The following HMCN2 variants were observed in gnomAD, a reference collection of about 807,000 sequenced individuals.
HMCN2 encodes the protein hemicentin-2.
HMCN2 carries 325 observed loss-of-function variants against 377.5 expected under a neutral mutation model. That is an observed-to-expected ratio of 0.86 (90% CI 0.79 to 0.94). The LOEUF (loss-of-function observed/expected upper bound fraction) is 0.94, where lower values mean the gene tolerates loss of function less well. Among genes scored for constraint, HMCN2 ranks in the 40% least tolerant of loss-of-function variants. The pLI, the probability that HMCN2 is intolerant of heterozygous loss-of-function variation, is 0.00. For synonymous variants in HMCN2, 2,007 were observed against 2,046.8 expected, an observed-to-expected ratio of 0.98 and a Z score of 0.53; for missense variants, 4,543 against 4,725.3, an observed-to-expected ratio of 0.96 and a Z score of 1.13.
rs138362220 is a variant in HMCN2 at position 130,295,260 on chromosome 9, C to T, written c.784+234C>T. On this transcript the variant is annotated intron_variant, in intron 5 of 97. Transcript: ENST00000683500. Reference sequence around the variant, plus strand: ...ATTAAAGTAATGGCGGTCCCTGCATCGTGAGACTCTCCCCAAGTCTTTTCC... The same window carrying T: ...ATTAAAGTAATGGCGGTCCCTGCATTGTGAGACTCTCCCCAAGTCTTTTCC... 5.3e-5 allele frequency among the ~76,000 whole-genome samples: 8 copies of T among 152,202 alleles called. No homozygotes were observed. The East Asian group carries it at 5.8e-4, about 11-fold the overall frequency.
In HMCN2 at chr9:130,304,910, G is replaced by A. The variant is rs554635971; in HGVS notation, c.1724G>A (p.Ser575Asn). 2 of 471,182 alleles carry A rather than the reference G, an allele frequency of 4.2e-6. No homozygotes were observed. Among genetic ancestry groups the A allele is most frequent in the Non-Finnish European group, 8.8e-6 (2 of 227,070 alleles). 29.2% of individuals were successfully genotyped at this position (471,182 alleles called of 1,614,324 possible). The change falls in exon 11 of 98, where the codon AGT becomes AAT. Residue 575 changes from serine to asparagine, a missense_variant. By Grantham distance (46) the Ser-to-Asn change is conservative. This residue lies in a region of HMCN2 where 547 missense variants were observed against 189.9 expected (regional missense o/e 2.88). Coordinates refer to ENST00000683500, the MANE Select transcript of HMCN2 (RefSeq NM_001291815.2). The surrounding 1 kb of genome is among the most constrained non-coding windows in gnomAD (Gnocchi z 4.3). The part of the protein sequence containing the change: ...AQLADLSLEI[S>N]GIIPTDGGRY... ...CTGGCTGACCTGTCCCTGGAGATCAGTGGCATCATCCCCACAGACGGCGGG... is the reference window on the plus strand; with the variant it reads ...CTGGCTGACCTGTCCCTGGAGATCAATGGCATCATCCCCACAGACGGCGGG...
rs1840287130 is a variant in HMCN2, at chr9:130,360,081, T to C, written c.5774-347T>C. 2.0e-5 allele frequency among the ~76,000 whole-genome samples: 3 copies of C among 152,130 alleles called. No homozygotes were observed. The highest frequency in any genetic ancestry group is 2.0e-4 in the Admixed American group (3 of 15,270). On this transcript the variant is annotated intron_variant, in intron 37 of 97. Coordinates refer to ENST00000683500, the MANE Select transcript of HMCN2 (RefSeq NM_001291815.2). This position sits in a 1 kb window ranked among gnomAD's most constrained non-coding sequence, Gnocchi z 4.7. ...GGGCAGGGCTGAGTTTGACTCTCTC[T>C]GCTCCTGGCTGCCTCAGCCTCTGCC...
chr9:130,300,778 G>A (rs1332413170), intron 8 of HMCN2, among the ~76,000 whole-genome samples: 3 of 152,204 alleles, frequency 2.0e-5, no homozygotes, highest in Admixed American at 1.3e-4. Flanking sequence ...CTGGTTTCCT[G>A]TGTGTCCCTG....
chr9:130,286,293 A>G lies in HMCN2; in HGVS notation c.595A>G (p.Lys199Glu). Residue 199 changes from lysine (K) to glutamate (E), a missense_variant, in exon 4 of 98, where the codon AAG (lysine) becomes GAG (glutamate). Physicochemically the swap from Lys to Glu is moderately conservative, Grantham distance 56. Coordinates refer to ENST00000683500, the MANE Select transcript of HMCN2 (RefSeq NM_001291815.2). ...CTCTGGGCAGGTGTTCCACCTGGAC[A>G]AGCAGCAAGTGACAGAGGTGAGCAC... ...TSSGQVFHLD[K>E]QQVTEVLKWV... 1 of 471,078 alleles carries G rather than the reference A, an allele frequency of 2.1e-6. No individual in the cohort carries two copies. Among genetic ancestry groups the G allele is most frequent in the Non-Finnish European group, 4.4e-6 (1 of 227,054 alleles). The allele number at this position is 471,078 out of a possible 1,614,324, so 29.2% of individuals were successfully genotyped here. A position where few individuals can be genotyped will look rare whatever the true frequency, so the allele number is the denominator to read the frequency against.
At chr9:130,412,575 T>TTG (rs975253866) in intron 85 of HMCN2, among the ~76,000 whole-genome samples, 3 of 150,262 alleles carry the variant, frequency 2.0e-5, no homozygotes, top group African/African-American at 4.9e-5. Context: ...CTCTTTTTTT[T>TTG]TTTTTGTTTT....
At chr9:130,271,875 C>T (rs186610637) in intron 1 of HMCN2, among the ~76,000 whole-genome samples, 2 of 149,228 alleles carry the variant, frequency 1.3e-5, no homozygotes, top group East Asian at 1.9e-4. Flanking sequence ...TGTAATCATC[C>T]GTGTCTATAT....
intron 74 of HMCN2, 51 bp downstream of exon 74, chr9:130,397,706 T>C: frequency 7.8e-7 from 1 of 1,275,724 alleles, no homozygotes. Flanking sequence ...CGGGGTCCAG[T>C]CCTTCTTAGT....
intron 15 of HMCN2, among the ~76,000 whole-genome samples, chr9:130,316,540 A>T (rs1299532968): frequency 7.9e-5 from 12 of 152,086 alleles, no homozygotes; most frequent in African/African-American, 2.9e-4. Flanking sequence ...CGGGTGTTCT[A>T]GGCTCCCCCA....
chr9:130,289,936 C>A (rs1835656542), intron 4 of HMCN2, among the ~76,000 whole-genome samples: 1 of 152,218 alleles, frequency 6.6e-6, no homozygotes, highest in Non-Finnish European at 1.5e-5. Context: ...TCCTTCCCTG[C>A]TTCCTCAGCC....
At chr9:130,295,895 T>A in intron 6 of HMCN2, 123 bp downstream of exon 6, 1 of 392,592 alleles carries the variant, frequency 2.5e-6, no homozygotes, top group Non-Finnish European at 5.2e-6. Context: ...TGGGTGGTGA[T>A]GTGGTCGTAT....
chr9:130,373,741 A>G (rs1308854948), intron 48 of HMCN2, among the ~76,000 whole-genome samples: 11 of 149,522 alleles, frequency 7.4e-5, no homozygotes, highest in African/African-American at 2.8e-4. Context: ...AGGTAGGTGG[A>G]TGGATAGATG....
chr9:130,429,404 G>T (rs975194693), intron 93 of HMCN2, 153 bp from the exon 94 acceptor site: 2 of 853,304 alleles, frequency 2.3e-6, no homozygotes, highest in Non-Finnish European at 3.6e-6. Context: ...ATAACTGGGG[G>T]AGGTGCTGTG....
chr9:130,298,850 C>T (rs1836314095), intron 7 of HMCN2, among the ~76,000 whole-genome samples, 175 bp from the exon 8 acceptor site: 1 of 152,188 alleles, frequency 6.6e-6, no homozygotes, highest in African/African-American at 2.4e-5. Flanking sequence ...AGGTCCCTAT[C>T]TACCTATCCC....
chr9:130,430,331 C>T lies in HMCN2; in HGVS notation c.14374C>T (p.His4792Tyr), dbSNP rs1342249029. The T allele has an allele frequency of 5.8e-6, 9 of 1,546,902 alleles. No homozygotes were observed. The highest frequency in any genetic ancestry group is 7.0e-6 in the Non-Finnish European group (8 of 1,146,894). Reference sequence around the variant, plus strand: ...GCCCAAGGCCTGCGCCTACCAGTGCCACAACCTCCAGGGCAGCTACCGCTG... The same window carrying T: ...GCCCAAGGCCTGCGCCTACCAGTGCTACAACCTCCAGGGCAGCTACCGCTG... ...QLPKACAYQC[H>Y]NLQGSYRCLC... Residue 4792 changes from histidine to tyrosine, a missense_variant, in exon 95 of 98, where the codon CAC (histidine) becomes TAC (tyrosine). Physicochemically the swap from His to Tyr is moderately conservative, Grantham distance 83 (BLOSUM62 2). Around this residue, in one of 5 missense-constraint regions of HMCN2, gnomAD observed 1,155 missense variants for 1,157.7 expected, o/e 1.00. Transcript: ENST00000683500.
rs187454751 is a variant in HMCN2 at position 130,307,496 on chromosome 9, C to T, written c.2130C>T (p.Ala710=). ...CTGTAAATGCCGTGGTGCTGGTGGC[C>T]GTTGGGGAGGAGGCTGTGTTGGTGT... ...VSAVNAVVLV[A]VGEEAVLVCE... is the part of the protein sequence containing the mutation. Residue 710 remains alanine, a synonymous_variant, in exon 14 of 98, where the codon GCC becomes GCT. Transcript: ENST00000683500. The T allele has an allele frequency of 8.1e-3, 3,836 of 471,138 alleles. 30 individuals are homozygous for T. The highest frequency in any genetic ancestry group is 0.011 in the Non-Finnish European group (2,471 of 227,042). The allele number at this position is 471,138 out of a possible 1,614,324, so 29.2% of individuals were successfully genotyped here.
intron 48 of HMCN2, among the ~76,000 whole-genome samples, chr9:130,374,172 T>C (rs1465427843): frequency 6.7e-6 from 1 of 148,198 alleles, no homozygotes; most frequent in Non-Finnish European, 1.5e-5. Flanking sequence ...GAAGGATAGG[T>C]GAGTAGGTAG....
chr9:130,393,713 G>T lies in HMCN2; in HGVS notation c.10235-29G>T. 3 of 1,209,788 alleles carry T rather than the reference G, an allele frequency of 2.5e-6. No homozygotes were observed. The highest frequency in any genetic ancestry group is 1.5e-5 in the South Asian group (1 of 67,404). The allele number at this position is 1,209,788 out of a possible 1,614,324, so 74.9% of individuals were successfully genotyped here. A position where few individuals can be genotyped will look rare whatever the true frequency, so the allele number is the denominator to read the frequency against. ...GAGATGAGAGTCCTGGAATAAAATG[G>T]TTCCTGCCCACCTTTCTGCCCTCCA... On this transcript the variant is annotated intron_variant, in intron 67 of 97. Coordinates refer to ENST00000683500, the MANE Select transcript of HMCN2 (RefSeq NM_001291815.2). The surrounding 1 kb of genome is among the most constrained non-coding windows in gnomAD (Gnocchi z 5.2).
In HMCN2 at chr9:130,384,687, A is replaced by G; in HGVS notation, c.8995A>G (p.Thr2999Ala). ...LGEEVFLLPGTHTLQLGRARL... is the reference protein window; with the variant it reads ...LGEEVFLLPGAHTLQLGRARL... The stretch of plus-strand genomic sequence containing the variant: ...GAGGGGCTGGCTTCCCCCGGCAGGC[A>G]CCCACACGCTGCAGCTGGGGAGAGC... Residue 2999 changes from threonine (T) to alanine (A), a missense_variant and splice_region_variant, in exon 59 of 98, where the codon ACC (threonine) becomes GCC (alanine). By Grantham distance (58) the Thr-to-Ala change is moderately conservative. Transcript: ENST00000683500. 1 of 1,302,386 alleles carries G rather than the reference A, an allele frequency of 7.7e-7. No individual in the cohort carries two copies. Among genetic ancestry groups the G allele is most frequent in the Non-Finnish European group, 1.0e-6 (1 of 988,818 alleles). The allele number at this position is 1,302,386 out of a possible 1,614,324, so 80.7% of individuals were successfully genotyped here.
Position 130,391,508 on chromosome 9 carries a change from G to A in HMCN2, c.9886G>A (p.Ala3296Thr). The change falls in exon 65 of 98, where the codon GCC becomes ACC. Residue 3296 changes from alanine to threonine, a missense_variant. Transcript: ENST00000683500. Reference sequence around the variant, plus strand: ...AGGCCTGAGGGCCTCGGACGCGGGTGCCTACACCTGCGTGGCCCACAACCC... The same window carrying A: ...AGGCCTGAGGGCCTCGGACGCGGGTACCTACACCTGCGTGGCCCACAACCC... ...LKGLRASDAG[A>T]YTCVAHNPAG... is the part of the protein sequence containing the mutation. 1.0e-6 allele frequency: 1 copy of A among 987,794 alleles called. No individual in the cohort carries two copies. Among genetic ancestry groups the A allele is most frequent in the Non-Finnish European group, 1.2e-6 (1 of 830,132 alleles). 61.2% of individuals were successfully genotyped at this position (987,794 alleles called of 1,614,324 possible). A position where few individuals can be genotyped will look rare whatever the true frequency, so the allele number is the denominator to read the frequency against.
Sources: allele counts gnomAD v4.1 joint callset (sites outside exome capture counted in the v4.1 genomes callset), GRCh38; gene constraint gnomAD v4.1.1; regional missense constraint gnomAD v4.1.1; non-coding constraint Gnocchi (gnomAD v3.1); transcripts MANE v1.5; gene names NCBI Gene and HGNC (gene_info 2026-07-23, HGNC 2026-07-21).